The following ARHGEF28 variants were observed in gnomAD, a reference collection of about 807,000 sequenced individuals.
The protein encoded by ARHGEF28 is Rho guanine nucleotide exchange factor 28.
In ARHGEF28, 152 loss-of-function variants were observed where a neutral mutation model predicts 206.6. The observed-to-expected ratio is 0.74, with a 90% CI of 0.64 to 0.84. The LOEUF (loss-of-function observed/expected upper bound fraction) is 0.84, where lower values mean the gene tolerates loss of function less well. ARHGEF28 is among the 40% of genes least tolerant of loss of function. The pLI is 0.00. For synonymous variants in ARHGEF28, 763 were observed against 776.4 expected, an observed-to-expected ratio of 0.98 and a Z score of 0.29; for missense variants, 2,028 against 2,073.2, an observed-to-expected ratio of 0.98 and a Z score of 0.42.
chr5:73,724,528 A>G (rs978548930), intron 2 of ARHGEF28, among the ~76,000 whole-genome samples: 1 of 152,116 alleles, frequency 6.6e-6, no homozygotes, highest in African/African-American at 2.4e-5. Context: ...CATCACCCCA[A>G]AATTCCCTGT....
intron 27 of ARHGEF28, among the ~76,000 whole-genome samples, chr5:73,892,865 G>A (rs908078687): frequency 9.2e-5 from 14 of 152,120 alleles, no homozygotes; most frequent in Non-Finnish European, 1.6e-4. Flanking sequence ...TACCTCTACT[G>A]CACCCCATCT....
chr5:73,869,222 T>TGGGGGG (rs67692648), intron 20 of ARHGEF28, among the ~76,000 whole-genome samples: 10 of 99,308 alleles, frequency 1.0e-4, no homozygotes, highest in African/African-American at 3.1e-4. Context: ...GTGTGTGGGG[T>TGGGGGG]GGAGGGGGGT....
At chr5:73,734,593 A>G (rs918453531) in intron 2 of ARHGEF28, among the ~76,000 whole-genome samples, 1 of 152,196 alleles carries the variant, frequency 6.6e-6, no homozygotes, top group African/African-American at 2.4e-5. Context: ...CTGTGCCCTC[A>G]TAAGCTAGTG....
At chr5:73,860,177 T>C (rs55674784) in intron 16 of ARHGEF28, among the ~76,000 whole-genome samples, 1,671 of 152,320 alleles carry the variant, frequency 0.011, 16 homozygotes, top group Admixed American at 0.015. Context: ...GGGCACTTGT[T>C]CATTTTTCCT....
chr5:73,879,146 A>G (rs1448803943), intron 22 of ARHGEF28, among the ~76,000 whole-genome samples: 1 of 151,630 alleles, frequency 6.6e-6, no homozygotes, highest in Non-Finnish European at 1.5e-5. Context: ...TTTTCTCTAA[A>G]CTTCCCTTCT....
intron 4 of ARHGEF28, among the ~76,000 whole-genome samples, chr5:73,754,317 G>C (rs1752186657): frequency 1.3e-5 from 2 of 152,076 alleles, no homozygotes; most frequent in Non-Finnish European, 2.9e-5. Context: ...AACTCTTCTG[G>C]GTACTTAAAG....
intron 2 of ARHGEF28, among the ~76,000 whole-genome samples, chr5:73,694,114 A>G (rs1167372562): frequency 6.6e-6 from 1 of 152,206 alleles, no homozygotes; most frequent in East Asian, 1.9e-4. Context: ...CAAATCCTCC[A>G]TTAGCTTCAT....
chr5:73,643,878 T>G (rs1318127666), intron 1 of ARHGEF28, among the ~76,000 whole-genome samples: 1 of 152,214 alleles, frequency 6.6e-6, no homozygotes, highest in African/African-American at 2.4e-5. Context: ...CATTTTATTT[T>G]GAGATTATCA....
chr5:73,691,374 A>T (rs148220913), intron 2 of ARHGEF28, among the ~76,000 whole-genome samples: 49 of 152,310 alleles, frequency 3.2e-4, no homozygotes, highest in African/African-American at 1.1e-3. Flanking sequence ...TATAATGGAC[A>T]GGACCCCATT....
intron 1 of ARHGEF28, among the ~76,000 whole-genome samples, chr5:73,668,970 GT>G (rs903208665): frequency 6.0e-5 from 9 of 151,174 alleles, no homozygotes; most frequent in African/African-American, 1.7e-4. Flanking sequence ...CCAGAAGAAT[GT>G]TTTTTTTTCT....
chr5:73,756,259 A>C (rs1752303133), intron 4 of ARHGEF28, among the ~76,000 whole-genome samples: 1 of 152,242 alleles, frequency 6.6e-6, no homozygotes, highest in Non-Finnish European at 1.5e-5. Flanking sequence ...CATGTGAATA[A>C]ATTTTCATAT....
chr5:73,842,875 C>T (rs970995288), intron 11 of ARHGEF28, among the ~76,000 whole-genome samples: 38 of 151,774 alleles, frequency 2.5e-4, no homozygotes, highest in African/African-American at 9.2e-4. Flanking sequence ...CCCATCTACT[C>T]AGGGGAGGGG....
At chr5:73,705,668 G>A (rs551305763) in intron 2 of ARHGEF28, among the ~76,000 whole-genome samples, 2 of 151,900 alleles carry the variant, frequency 1.3e-5, no homozygotes, top group South Asian at 2.1e-4. Context: ...GGGAGCTGGG[G>A]ATAAGGGCAG....
intron 14 of ARHGEF28, among the ~76,000 whole-genome samples, chr5:73,856,911 CAG>C (rs2112610516): frequency 1.3e-5 from 2 of 152,208 alleles, no homozygotes; most frequent in Admixed American, 1.3e-4. Flanking sequence ...ATAAGATTAT[CAG>C]AGGAAGCTCT....
At chr5:73,867,435 C>A (rs1759780892) in intron 18 of ARHGEF28, among the ~76,000 whole-genome samples, 1 of 152,202 alleles carries the variant, frequency 6.6e-6, no homozygotes, top group South Asian at 2.1e-4. Context: ...AGAATAGGCT[C>A]TCCAGCATCA....
At chr5:73,809,214 A>C (rs779956658) in intron 9 of ARHGEF28, among the ~76,000 whole-genome samples, 50 of 151,918 alleles carry the variant, frequency 3.3e-4, no homozygotes, top group Non-Finnish European at 1.9e-4. Flanking sequence ...CAAAAAAAAA[A>C]CAAAACACAA....
At chr5:73,651,204 G>A (rs2112165207) in intron 1 of ARHGEF28, among the ~76,000 whole-genome samples, 1 of 152,306 alleles carries the variant, frequency 6.6e-6, no homozygotes, top group Admixed American at 6.5e-5. Flanking sequence ...GTGTGGTCCA[G>A]GTCATGAGCT....
chr5:73,819,390 G>C (rs1348152786), intron 9 of ARHGEF28, among the ~76,000 whole-genome samples: 4 of 152,196 alleles, frequency 2.6e-5, no homozygotes, highest in Admixed American at 2.6e-4. Context: ...ACCCCACCCA[G>C]ACTAGGCTGA....
At chr5:73,665,543 G>A (rs539326136) in intron 1 of ARHGEF28, among the ~76,000 whole-genome samples, 33 of 152,088 alleles carry the variant, frequency 2.2e-4, no homozygotes, top group Non-Finnish European at 4.4e-4. Flanking sequence ...CACAGATGGG[G>A]TAATTTATAA....
Sources: gnomAD v4.1 joint callset for allele counts (sites outside exome capture counted in the v4.1 genomes callset) on GRCh38, gnomAD v4.1.1 for gene constraint, MANE v1.5 for transcripts, NCBI Gene and HGNC (gene_info 2026-07-23, HGNC 2026-07-21) for gene names.